Variants in ZDHHC2 observed in about 807,000 individuals in gnomAD.
ZDHHC2 encodes palmitoyltransferase ZDHHC2.
ZDHHC2 carries 51 observed loss-of-function variants against 55.6 expected under a neutral mutation model. The ratio of observed to expected loss-of-function variants is 0.92; its 90% confidence interval spans 0.73 to 1.16. The LOEUF (loss-of-function observed/expected upper bound fraction) is 1.16. Ranked by LOEUF, ZDHHC2 falls within the 50% of genes most tolerant of loss-of-function variation. The pLI, the probability that ZDHHC2 is intolerant of heterozygous loss-of-function variation, is 0.00. For synonymous variants in ZDHHC2, 199 were observed against 152.9 expected (o/e 1.30, Z -2.22); for missense variants, 491 against 442.4 (o/e 1.11, Z -0.99).
intron 6 of ZDHHC2, among the ~76,000 whole-genome samples, chr8:17,200,910 T>C (rs1806726953): frequency 6.6e-6 from 1 of 152,206 alleles, no homozygotes; most frequent in Non-Finnish European, 1.5e-5. Flanking sequence ...ATCACTTCCC[T>C]TGCGGCATCC....
chr8:17,196,042 T>C (rs1448437157), intron 4 of ZDHHC2, among the ~76,000 whole-genome samples: 1 of 152,216 alleles, frequency 6.6e-6, no homozygotes, highest in African/African-American at 2.4e-5. Flanking sequence ...AGAACAGTCA[T>C]ATAGGTGATG....
intron 1 of ZDHHC2, among the ~76,000 whole-genome samples, chr8:17,181,694 A>T (rs1161663653): frequency 6.6e-6 from 1 of 152,152 alleles, no homozygotes; most frequent in Non-Finnish European, 1.5e-5. Flanking sequence ...CATTAAAACC[A>T]ATAGTTATTT....
intron 12 of ZDHHC2, among the ~76,000 whole-genome samples, chr8:17,218,778 A>G (rs920983806): frequency 3.9e-5 from 6 of 152,196 alleles, no homozygotes; most frequent in African/African-American, 4.8e-5. Flanking sequence ...TTTCTATTCT[A>G]TCGATACAAC....
intron 8 of ZDHHC2, among the ~76,000 whole-genome samples, chr8:17,209,516 C>T (rs146188422): frequency 3.9e-5 from 6 of 152,110 alleles, no homozygotes; most frequent in African/African-American, 1.4e-4. Context: ...TACTTAAAAA[C>T]AAAGGTTGTA....
At chr8:17,218,843 A>T (rs1807770196) in intron 12 of ZDHHC2, among the ~76,000 whole-genome samples, 1 of 152,180 alleles carries the variant, frequency 6.6e-6, no homozygotes, top group African/African-American at 2.4e-5. Flanking sequence ...AGCTAATAGA[A>T]ACTAGACTTT....
intron 1 of ZDHHC2, among the ~76,000 whole-genome samples, chr8:17,176,244 T>C (rs1805125628): frequency 6.6e-6 from 1 of 152,086 alleles, no homozygotes; most frequent in Non-Finnish European, 1.5e-5. Context: ...TAGTAGACTG[T>C]TAGGAATATC....
chr8:17,196,189 A>C (rs1191503694), intron 4 of ZDHHC2, among the ~76,000 whole-genome samples: 1 of 152,140 alleles, frequency 6.6e-6, no homozygotes, highest in Admixed American at 6.5e-5. Context: ...CAGTTGTCTT[A>C]AAACTGATGT....
chr8:17,188,683 A>G (rs1182993916), intron 3 of ZDHHC2, among the ~76,000 whole-genome samples: 1 of 151,832 alleles, frequency 6.6e-6, no homozygotes, highest in African/African-American at 2.4e-5. Context: ...TTTATGTGTC[A>G]CCCCAGTGCC....
At chr8:17,193,210 G>C (rs1806122717) in intron 3 of ZDHHC2, among the ~76,000 whole-genome samples, 2 of 152,152 alleles carry the variant, frequency 1.3e-5, no homozygotes, top group African/African-American at 4.8e-5. Flanking sequence ...TTCCAGGTTA[G>C]GTGTTGTGAT....
At chr8:17,189,509 C>T (rs1585689024) in intron 3 of ZDHHC2, among the ~76,000 whole-genome samples, 1 of 152,218 alleles carries the variant, frequency 6.6e-6, no homozygotes, top group African/African-American at 2.4e-5. Flanking sequence ...TCAAGAGATA[C>T]TTTTTAAGTG....
intron 3 of ZDHHC2, among the ~76,000 whole-genome samples, chr8:17,192,968 ATTG>A (rs1375777722): frequency 6.6e-6 from 1 of 152,008 alleles, no homozygotes; most frequent in African/African-American, 2.4e-5. Flanking sequence ...GTTCTTTTCC[ATTG>A]GTCTATGTAT....
intron 1 of ZDHHC2, among the ~76,000 whole-genome samples, chr8:17,160,101 C>G (rs1256137887): frequency 6.6e-6 from 1 of 152,246 alleles, no homozygotes; most frequent in Non-Finnish European, 1.5e-5. Flanking sequence ...TTATGTTTTA[C>G]AGATCCCTTA....
At chr8:17,180,238 T>G (rs1805359815) in intron 1 of ZDHHC2, among the ~76,000 whole-genome samples, 1 of 152,208 alleles carries the variant, frequency 6.6e-6, no homozygotes, top group South Asian at 2.1e-4. Context: ...CACATTTAAG[T>G]TCTCAAAAGG....
At chr8:17,196,305 G>C (rs1005658228) in intron 4 of ZDHHC2, among the ~76,000 whole-genome samples, 1 of 152,034 alleles carries the variant, frequency 6.6e-6, no homozygotes, top group Non-Finnish European at 1.5e-5. Flanking sequence ...GCTGTTGAGC[G>C]CTTGAAGTAT....
chr8:17,186,638 A>C (rs1585683265), intron 3 of ZDHHC2, among the ~76,000 whole-genome samples: 1 of 152,166 alleles, frequency 6.6e-6, no homozygotes, highest in Admixed American at 6.5e-5. Flanking sequence ...TCTGTATTGA[A>C]TCTGTTATGA....
intron 1 of ZDHHC2, among the ~76,000 whole-genome samples, chr8:17,175,480 C>T (rs1805083072): frequency 6.6e-6 from 1 of 152,110 alleles, no homozygotes; most frequent in Admixed American, 6.5e-5. Flanking sequence ...CACTTCTTCC[C>T]CTAGATTGTT....
At chr8:17,198,618 G>T (rs1806449203) in intron 6 of ZDHHC2, among the ~76,000 whole-genome samples, 1 of 152,102 alleles carries the variant, frequency 6.6e-6, no homozygotes, top group Non-Finnish European at 1.5e-5. Context: ...AAACCAGTAG[G>T]TTAACAACCT....
At position 17,222,696 on chromosome 8, in the gene ZDHHC2, T is replaced by C. The variant is rs1301219174; in HGVS notation, c.*2475T>C. On this transcript the variant is annotated 3_prime_UTR_variant, in exon 13 of 13. Transcript: ENST00000262096. ...ATGCATTCAATGAAGTTCATATCCA[T>C]GAATTCACTCCTAATATACCCTAAT... The C allele has an allele frequency of 6.6e-6, 1 of 151,852 alleles. No homozygotes were observed. Among genetic ancestry groups the C allele is most frequent in the African/African-American group, 2.4e-5 (1 of 41,420 alleles). 9.4% of individuals were successfully genotyped at this position (151,852 alleles called of 1,614,324 possible).
chr8:17,156,774 G>A lies in ZDHHC2; in HGVS notation c.51G>A (p.Val17=), dbSNP rs1371718133. ...GSSARRRCRR[V]LYWIPVVFIT... ...GCGCCAGGCGGCGGTGCCGGCGGGT[G>A]CTGTACTGGATCCCGGTGGTGTTCA... Residue 17 remains valine, a synonymous_variant, in exon 1 of 13, where the codon GTG becomes GTA. Transcript: ENST00000262096. 25 of 1,516,274 alleles carry A rather than the reference G, an allele frequency of 1.6e-5. No individual in the cohort carries two copies. Among genetic ancestry groups the A allele is most frequent in the Non-Finnish European group, 2.2e-5 (25 of 1,131,332 alleles). 93.9% of individuals were successfully genotyped at this position (1,516,274 alleles called of 1,614,324 possible).
Sources: gnomAD v4.1 joint callset for allele counts (sites outside exome capture counted in the v4.1 genomes callset) on GRCh38, gnomAD v4.1.1 for gene constraint, MANE v1.5 for transcripts, NCBI Gene and HGNC (gene_info 2026-07-23, HGNC 2026-07-21) for gene names.